The following GRIK4 variants were observed in gnomAD, a reference collection of about 807,000 sequenced individuals.
GRIK4 encodes the protein glutamate ionotropic receptor kainate type subunit 4.
Under a neutral mutation model 104.9 loss-of-function variants are expected in GRIK4, and 40 were observed. The observed-to-expected ratio is 0.38, with a 90% CI of 0.30 to 0.50. GRIK4 has a LOEUF of 0.50. GRIK4 is among the 20% of genes least tolerant of loss of function. The probability of loss-of-function intolerance (pLI) is 0.93; values close to 1 mark genes in which losing one functional copy is unlikely to be tolerated. For missense variants in GRIK4, 1,047 were observed against 1,308.1 expected, an observed-to-expected ratio of 0.80 and a Z score of 3.08; for synonymous variants, 485 against 524.9, an observed-to-expected ratio of 0.92 and a Z score of 1.04.
chr11:120,862,030 C>T lies in GRIK4; in HGVS notation c.816C>T (p.Asn272=). 1 of 1,613,562 alleles carries T rather than the reference C, an allele frequency of 6.2e-7. No homozygotes were observed. Among genetic ancestry groups the T allele is most frequent in the Non-Finnish European group, 8.5e-7 (1 of 1,179,454 alleles). Residue 272 remains asparagine (N), a synonymous_variant, in exon 9 of 21, where the codon AAC becomes AAT. Transcript: ENST00000527524. ...RVNILGFSIF[N]QSHAFFQEFA... ...ACATCCTGGGATTTTCCATTTTCAA[C>T]CAATCCCATGCTTTCTTCCAAGAGT...
intron 6 of GRIK4, among the ~76,000 whole-genome samples, chr11:120,824,484 C>T (rs1017124437): frequency 2.0e-5 from 3 of 151,940 alleles, no homozygotes; most frequent in East Asian, 1.9e-4. Context: ...TATAACATGC[C>T]GTGTATTTCC....
At chr11:120,848,689 G>A (rs780070291) in intron 8 of GRIK4, among the ~76,000 whole-genome samples, 7 of 152,168 alleles carry the variant, frequency 4.6e-5, no homozygotes, top group Non-Finnish European at 1.0e-4. Context: ...AGGCATTATT[G>A]TCAGTTATCC....
rs1942848989 is a variant in GRIK4 at position 120,905,506 on chromosome 11, C to T, written c.1476+13C>T. 3.0e-6 allele frequency: 2 copies of T among 665,646 alleles called. No homozygotes were observed. Among genetic ancestry groups the T allele is most frequent in the Non-Finnish European group, 2.5e-6 (1 of 398,532 alleles). 41.2% of individuals were successfully genotyped at this position (665,646 alleles called of 1,614,324 possible). On this transcript the variant is annotated intron_variant, in intron 13 of 20. Transcript: ENST00000527524. The surrounding 1 kb of genome is among the most constrained non-coding windows in gnomAD (Gnocchi z 5.1). ...GCTGATCGCTAGGGTAAGGAGAGGA[C>T]AAGTGATCTGGGCCTGAGGGTGGGC...
chr11:120,705,988 G>A (rs1247958884), intron 3 of GRIK4, among the ~76,000 whole-genome samples: 1 of 152,176 alleles, frequency 6.6e-6, no homozygotes, highest in Admixed American at 6.5e-5. Context: ...GAGGCTTCCA[G>A]GACATTCCAC....
At chr11:120,633,889 G>T (rs577313211) in intron 1 of GRIK4, among the ~76,000 whole-genome samples, 4 of 152,294 alleles carry the variant, frequency 2.6e-5, no homozygotes, top group Non-Finnish European at 5.9e-5. Flanking sequence ...TGTGAAAGAC[G>T]ATTGCAAACC....
At chr11:120,968,858 G>A (rs905161275) in intron 19 of GRIK4, among the ~76,000 whole-genome samples, 3 of 152,218 alleles carry the variant, frequency 2.0e-5, no homozygotes, top group Non-Finnish European at 4.4e-5. Context: ...GTAACACACT[G>A]TAGGGCTGCT....
intron 19 of GRIK4, among the ~76,000 whole-genome samples, chr11:120,978,955 A>G (rs187559019): frequency 2.0e-5 from 3 of 152,344 alleles, no homozygotes; most frequent in Non-Finnish European, 4.4e-5. Context: ...TCGAAACAAA[A>G]TGTTCATTGG....
At chr11:120,742,267 A>G (rs61901420) in intron 3 of GRIK4, among the ~76,000 whole-genome samples, 14,499 of 150,136 alleles carry the variant, frequency 0.097, 985 homozygotes, top group Middle Eastern at 0.14. Context: ...AATCGCTTGA[A>G]CCTGGGAGGT....
At chr11:120,626,230 G>T (rs377151864) in intron 1 of GRIK4, among the ~76,000 whole-genome samples, 1 of 152,204 alleles carries the variant, frequency 6.6e-6, no homozygotes, top group Non-Finnish European at 1.5e-5. Context: ...GCCCAGGGGA[G>T]GGGGCTTCAG....
chr11:120,531,582 CT>C (rs58143284), intron 1 of GRIK4, among the ~76,000 whole-genome samples: 53 of 146,720 alleles, frequency 3.6e-4, no homozygotes, highest in South Asian at 4.3e-4. Flanking sequence ...TTTTCTTTTT[CT>C]TTTTTTTTTT....
At chr11:120,632,962 G>A (rs1015773531) in intron 1 of GRIK4, among the ~76,000 whole-genome samples, 2 of 152,038 alleles carry the variant, frequency 1.3e-5, no homozygotes, top group African/African-American at 2.4e-5. Context: ...GCCATGAGAT[G>A]GGCTGGTTCT....
At chr11:120,710,572 C>T (rs140367007) in intron 3 of GRIK4, among the ~76,000 whole-genome samples, 224 of 152,278 alleles carry the variant, frequency 1.5e-3, no homozygotes, top group African/African-American at 4.9e-3. Flanking sequence ...CTTCTGGGCA[C>T]GTGACTCACA....
intron 1 of GRIK4, among the ~76,000 whole-genome samples, chr11:120,550,249 C>T (rs536812898): frequency 3.3e-5 from 5 of 149,528 alleles, no homozygotes; most frequent in South Asian, 4.3e-4. Context: ...TTGCTGCTGC[C>T]GCAGGGCTGA....
chr11:120,864,936 C>T (rs1283459413), intron 9 of GRIK4, among the ~76,000 whole-genome samples: 2 of 152,184 alleles, frequency 1.3e-5, no homozygotes, highest in African/African-American at 2.4e-5. Flanking sequence ...GAGGTAGTGA[C>T]GTAACCCCCG....
At chr11:120,871,875 A>G in intron 9 of GRIK4, 1 of 456,278 alleles carries the variant, frequency 2.2e-6, no homozygotes, top group Non-Finnish European at 4.4e-6. Context: ...CTTGGACTGG[A>G]ACAGACAAAC....
chr11:120,661,353 T>C (rs1220653904), intron 3 of GRIK4, among the ~76,000 whole-genome samples: 3 of 151,432 alleles, frequency 2.0e-5, no homozygotes, highest in Admixed American at 6.6e-5. Context: ...GCCCCAAGGG[T>C]AGAGTTAAGT....
chr11:120,624,320 C>T (rs1335801445), intron 1 of GRIK4, among the ~76,000 whole-genome samples: 1 of 152,002 alleles, frequency 6.6e-6, no homozygotes, highest in East Asian at 1.9e-4. Flanking sequence ...CATGGGGCCC[C>T]ATGGGGCAGA....
chr11:120,919,702 C>A (rs1378844118), intron 13 of GRIK4, among the ~76,000 whole-genome samples: 1 of 152,078 alleles, frequency 6.6e-6, no homozygotes, highest in Non-Finnish European at 1.5e-5. Flanking sequence ...CTGAATAATT[C>A]AAAGGAAGGC....
intron 1 of GRIK4, among the ~76,000 whole-genome samples, chr11:120,616,053 G>A (rs565460509): frequency 3.9e-5 from 6 of 152,186 alleles, no homozygotes; most frequent in East Asian, 1.9e-4. Flanking sequence ...TCAAGCACCC[G>A]GGATCCATTA....
Sources: allele counts gnomAD v4.1 joint callset (sites outside exome capture counted in the v4.1 genomes callset), GRCh38; gene constraint gnomAD v4.1.1; non-coding constraint Gnocchi (gnomAD v3.1); transcripts MANE v1.5; gene names NCBI Gene and HGNC (gene_info 2026-07-23, HGNC 2026-07-21).